The following KSR2 variants were observed in gnomAD, a reference collection of about 807,000 sequenced individuals.
KSR2 encodes the protein kinase suppressor of ras 2.
In KSR2, 25 loss-of-function variants were observed where a neutral mutation model predicts 107.8. The ratio of observed to expected loss-of-function variants is 0.23; its 90% CI spans 0.17 to 0.32. KSR2 has a LOEUF of 0.32. Ranked by LOEUF, KSR2 falls within the 10% of genes least tolerant of loss-of-function variation. KSR2 has a pLI of 1.00. For synonymous variants in KSR2, 480 were observed against 507.0 expected, an observed-to-expected ratio of 0.95 and a Z score of 0.71; for missense variants, 887 against 1,268.9, an observed-to-expected ratio of 0.70 and a Z score of 4.57.
chr12:117,690,533 C>T (rs2592292), intron 4 of KSR2, among the ~76,000 whole-genome samples: 97,863 of 151,756 alleles, frequency 0.64, 31,771 homozygotes, highest in Non-Finnish European at 0.68. Flanking sequence ...CCATTGCACT[C>T]CAGCCTGGGT....
intron 4 of KSR2, among the ~76,000 whole-genome samples, chr12:117,714,539 T>C (rs1300875800): frequency 6.6e-6 from 1 of 152,276 alleles, no homozygotes; most frequent in East Asian, 1.9e-4. Flanking sequence ...CATTTCATCT[T>C]TACCACAACC....
At chr12:117,764,288 T>C (rs1341202453) in intron 3 of KSR2, among the ~76,000 whole-genome samples, 2 of 152,022 alleles carry the variant, frequency 1.3e-5, no homozygotes, top group African/African-American at 2.4e-5. Flanking sequence ...CCATATTTAA[T>C]GGTTCATTGT....
chr12:117,748,180 T>C (rs1022185518), intron 4 of KSR2, among the ~76,000 whole-genome samples: 3 of 152,186 alleles, frequency 2.0e-5, no homozygotes, highest in Admixed American at 1.3e-4. Context: ...GAGGATACCA[T>C]GCTAAGTGAA....
At chr12:117,517,500 C>T (rs185745514) in intron 14 of KSR2, among the ~76,000 whole-genome samples, 28 of 152,200 alleles carry the variant, frequency 1.8e-4, no homozygotes, top group Admixed American at 1.6e-3. Context: ...CTTTGAGATT[C>T]GAGGAGAGTG....
At chr12:117,965,076 G>A (rs976901844) in intron 1 of KSR2, among the ~76,000 whole-genome samples, 2 of 152,196 alleles carry the variant, frequency 1.3e-5, no homozygotes, top group Non-Finnish European at 2.9e-5. Flanking sequence ...TTGCAGCTAG[G>A]ACTCAGTTCT....
intron 4 of KSR2, among the ~76,000 whole-genome samples, chr12:117,720,640 C>T (rs1328737098): frequency 6.6e-6 from 1 of 152,192 alleles, no homozygotes; most frequent in African/African-American, 2.4e-5. Context: ...TGGTCTTAAC[C>T]AAGGGCTCAA....
At chr12:117,834,063 C>G (rs1031887651) in intron 3 of KSR2, among the ~76,000 whole-genome samples, 1 of 151,816 alleles carries the variant, frequency 6.6e-6, no homozygotes, top group Non-Finnish European at 1.5e-5. Context: ...ACGGCTTGAG[C>G]CTGGCAGGCA....
At chr12:117,547,741 T>G (rs1876982970) in intron 9 of KSR2, among the ~76,000 whole-genome samples, 1 of 152,148 alleles carries the variant, frequency 6.6e-6, no homozygotes, top group African/African-American at 2.4e-5. Flanking sequence ...TTGTTTTTAC[T>G]CATTGACACA....
intron 5 of KSR2, among the ~76,000 whole-genome samples, chr12:117,631,238 C>T (rs917824209): frequency 2.0e-4 from 31 of 152,126 alleles, no homozygotes; most frequent in African/African-American, 7.5e-4. Context: ...GTGTTTGAGG[C>T]TGCAGCAAGC....
intron 14 of KSR2, 101 bp from the exon 15 acceptor site, chr12:117,485,792 C>T: frequency 6.4e-6 from 5 of 776,400 alleles, no homozygotes; most frequent in Non-Finnish European, 1.1e-5. Context: ...GACACGTGGA[C>T]ATGCCACTAT....
chr12:117,540,221 C>A (rs1340198207), intron 9 of KSR2, among the ~76,000 whole-genome samples: 1 of 152,128 alleles, frequency 6.6e-6, no homozygotes, highest in African/African-American at 2.4e-5. Context: ...GTCCAGAGTA[C>A]CCCTCCCATC....
intron 3 of KSR2, among the ~76,000 whole-genome samples, chr12:117,825,856 T>TG (rs1479739035): frequency 7.2e-6 from 1 of 138,406 alleles, no homozygotes; most frequent in East Asian, 2.2e-4. Flanking sequence ...GATAAATGGG[T>TG]GGGTGGGTTG....
intron 3 of KSR2, among the ~76,000 whole-genome samples, chr12:117,801,464 T>C (rs908071471): frequency 6.6e-6 from 1 of 152,062 alleles, no homozygotes; most frequent in African/African-American, 2.4e-5. Context: ...GAGGTTTCAT[T>C]GGTTCACAGT....
intron 5 of KSR2, among the ~76,000 whole-genome samples, chr12:117,639,658 A>ATTATTATTATTATAT (rs139711049): frequency 5.8e-5 from 6 of 102,858 alleles, no homozygotes; most frequent in African/African-American, 1.9e-4. Flanking sequence ...TATTATTATT[A>ATTATTATTATTATAT]TATTATTTTA....
At chr12:117,708,654 T>A (rs2840112) in intron 4 of KSR2, among the ~76,000 whole-genome samples, 98,747 of 152,010 alleles carry the variant, frequency 0.65, 34,402 homozygotes, top group African/African-American at 0.91. Flanking sequence ...TGAAAACAAC[T>A]GCCTTGCCCA....
chr12:117,618,414 G>A (rs189630691), intron 5 of KSR2, among the ~76,000 whole-genome samples: 30 of 152,096 alleles, frequency 2.0e-4, no homozygotes, highest in African/African-American at 3.1e-4. Flanking sequence ...TCTCTCAGCC[G>A]CCATTTTGGA....
intron 1 of KSR2, among the ~76,000 whole-genome samples, chr12:117,873,092 C>T (rs1174838330): frequency 1.3e-5 from 2 of 152,146 alleles, no homozygotes; most frequent in African/African-American, 4.8e-5. Context: ...GGCCTGTAAT[C>T]CCATCAGTTT....
At chr12:117,623,798 TCGCCA>T (rs1276004852) in intron 5 of KSR2, among the ~76,000 whole-genome samples, 1 of 152,222 alleles carries the variant, frequency 6.6e-6, no homozygotes, top group Non-Finnish European at 1.5e-5. Flanking sequence ...CCTTGAGGAA[TCGCCA>T]CACTGTCTTC....
chr12:117,804,160 C>T (rs1890932751), intron 3 of KSR2, among the ~76,000 whole-genome samples: 1 of 152,114 alleles, frequency 6.6e-6, no homozygotes, highest in Non-Finnish European at 1.5e-5. Flanking sequence ...TCTCCTGCCT[C>T]GGCCTCCGGA....
Sources: allele counts gnomAD v4.1 joint callset (sites outside exome capture counted in the v4.1 genomes callset), GRCh38; gene constraint gnomAD v4.1.1; transcripts MANE v1.5; gene names NCBI Gene and HGNC (gene_info 2026-07-23, HGNC 2026-07-21).